The following PRKDC variants were observed in gnomAD, a reference collection of about 807,000 sequenced individuals.
The protein encoded by PRKDC is DNA-dependent protein kinase catalytic subunit.
Under a neutral mutation model 486.9 loss-of-function variants are expected in PRKDC, and 82 were observed. That is an observed-to-expected ratio of 0.17 (90% CI 0.14 to 0.20). PRKDC has a LOEUF of 0.20. PRKDC is among the 10% of genes least tolerant of loss of function. The pLI is 1.00. For synonymous variants in PRKDC, 1,895 were observed against 1,837.0 expected (o/e 1.03, Z -0.81); for missense variants, 4,504 against 5,038.2 (o/e 0.89, Z 3.21).
chr8:47,947,091 C>T (rs1281715065), intron 7 of PRKDC, among the ~76,000 whole-genome samples: 1 of 152,176 alleles, frequency 6.6e-6, no homozygotes, highest in Non-Finnish European at 1.5e-5. Flanking sequence ...ACTCTTGACA[C>T]ACCAGCTCTT....
At chr8:47,802,460 C>A (rs1247383728) in intron 70 of PRKDC, among the ~76,000 whole-genome samples, 1 of 149,178 alleles carries the variant, frequency 6.7e-6, no homozygotes, top group Non-Finnish European at 1.5e-5. Context: ...AAAGACTAAA[C>A]TATTTTGGGA....
At chr8:47,867,688 G>A (rs1024647318) in intron 40 of PRKDC, among the ~76,000 whole-genome samples, 45 of 152,144 alleles carry the variant, frequency 3.0e-4, no homozygotes, top group Admixed American at 5.9e-4. Context: ...AATAAGAAAA[G>A]AAGTTACATT....
rs745664111 is a variant in PRKDC at position 47,807,153 on chromosome 8, T to C, written c.9731A>G (p.Asp3244Gly). Residue 3244 changes from aspartate (D) to glycine (G), a missense_variant, in exon 69 of 86, where the codon GAC becomes GGC. Physicochemically the swap from Asp to Gly is moderately conservative, Grantham distance 94. Around this residue, in one of 6 missense-constraint regions of PRKDC, gnomAD observed 1,592 missense variants for 1,724.6 expected, o/e 0.92. Transcript: ENST00000314191. Reference protein sequence around the residue: ...CKFSMKMKMIDSARKQNNFSL... With the variant: ...CKFSMKMKMIGSARKQNNFSL... ...AGTACCCACCTGCTTCCGGGCACTG[T>C]CTATCATCTTCATTTTCATGGAAAA... 1.9e-6 allele frequency: 3 copies of C among 1,613,878 alleles called. No individual in the cohort carries two copies. Among genetic ancestry groups the C allele is most frequent in the Non-Finnish European group, 2.5e-6 (3 of 1,179,832 alleles).
rs1589750131 is a variant in PRKDC at position 47,862,080 on chromosome 8, A to G, written c.5967T>C (p.Asn1989=). 2.6e-6 allele frequency: 4 copies of G among 1,553,312 alleles called. No homozygotes were observed. The highest frequency in any genetic ancestry group is 3.5e-6 in the Non-Finnish European group (4 of 1,147,024). ...ENLIDLKRRY[N]FPVEVEVPME... ...CACTCACCTCAACTTCTACAGGAAA[A>G]TTATAGCGGCGCTTCAGGTCGATCA... is the stretch of plus-strand genomic sequence containing the variant. The change falls in exon 44 of 86, where the codon AAT becomes AAC. Residue 1989 remains asparagine, a synonymous_variant. Transcript: ENST00000314191.
chr8:47,836,254 C>G, intron 58 of PRKDC, 84 bp downstream of exon 58: 1 of 1,292,750 alleles, frequency 7.7e-7, no homozygotes, highest in Middle Eastern at 2.8e-4. Context: ...ACTTCTCTCA[C>G]AAAAGCCCAA....
At chr8:47,828,059 A>C (rs536505664) in intron 62 of PRKDC, 109 bp downstream of exon 62, 2 of 1,079,350 alleles carry the variant, frequency 1.9e-6, no homozygotes, top group Non-Finnish European at 2.6e-6. Flanking sequence ...TTACTCTGTT[A>C]AACACCAGGT....
At chr8:47,842,216 G>A (rs1198650787) in intron 54 of PRKDC, among the ~76,000 whole-genome samples, 1 of 152,128 alleles carries the variant, frequency 6.6e-6, no homozygotes, top group Non-Finnish European at 1.5e-5. Flanking sequence ...ATTGGAAGGG[G>A]CTCCTCTAAG....
rs1416939898 is a variant in PRKDC, at chr8:47,930,800, T to C, written c.1777-13A>G. Reference sequence around the variant, plus strand: ...CCTCATCTCCATTCTTAAAGAGTAATTGTAGCAAAGAAACATTGTACCATT... The same window carrying C: ...CCTCATCTCCATTCTTAAAGAGTAACTGTAGCAAAGAAACATTGTACCATT... On this transcript the variant is annotated splice_polypyrimidine_tract_variant and intron_variant, in intron 16 of 85. Transcript: ENST00000314191. 12 of 1,549,302 alleles carry C rather than the reference T, an allele frequency of 7.7e-6. No individual in the cohort carries two copies. The highest frequency in any genetic ancestry group is 1.7e-4 in the Middle Eastern group (1 of 5,976).
chr8:47,903,433 A>ATCTT lies in PRKDC; in HGVS notation c.3043-639_3043-638insAAGA, dbSNP rs1563795342. 2.9e-3 allele frequency among the ~76,000 whole-genome samples: 441 copies of ATCTT among 152,364 alleles called. 2 individuals carry two copies. Among genetic ancestry groups the ATCTT allele is most frequent in the African/African-American group, 0.01 (432 of 41,592 alleles). ...AACGTACACTCAACAATGAATTAAG[A>ATCTT]GAGTTCTGCCTAACACTTCCAGTTA... On this transcript the variant is annotated intron_variant, in intron 26 of 85. Coordinates refer to ENST00000314191, the MANE Select transcript of PRKDC (RefSeq NM_006904.7).
Position 47,798,261 on chromosome 8 carries a change from C to T in PRKDC, c.10434G>A (p.Glu3478=). 1.2e-6 allele frequency: 2 copies of T among 1,613,414 alleles called. No homozygotes were observed. ...LLQIIERYPE[E]TLSLMTKEIS... Reference sequence around the variant, plus strand: ...CCTCTTTTGTCATGAGGCTCAAAGTCTCCTCTGGATACCGTTCTATAATCT... The same window carrying T: ...CCTCTTTTGTCATGAGGCTCAAAGTTTCCTCTGGATACCGTTCTATAATCT... Residue 3478 remains glutamate, a synonymous_variant, in exon 73 of 86, where the codon GAG becomes GAA. Coordinates refer to ENST00000314191, the MANE Select transcript of PRKDC (RefSeq NM_006904.7).
intron 70 of PRKDC, 142 bp from the exon 71 acceptor site, chr8:47,801,128 A>G: frequency 1.2e-6 from 1 of 816,308 alleles, no homozygotes; most frequent in South Asian, 1.8e-5. Context: ...CTGGAGTGCA[A>G]CGACACGATT....
chr8:47,866,156 C>CAAA (rs766279016), intron 40 of PRKDC, among the ~76,000 whole-genome samples: 167 of 52,076 alleles, frequency 3.2e-3, no homozygotes, highest in African/African-American at 8.0e-3. Context: ...AACTCCGTCG[C>CAAA]AAAAAAAAAA....
intron 56 of PRKDC, 116 bp downstream of exon 56, chr8:47,839,032 G>T: frequency 1.4e-6 from 1 of 735,772 alleles, no homozygotes. Context: ...AATGCAGAAA[G>T]CAGAGAAAAT....
chr8:47,921,535 T>C (rs2090071326), intron 21 of PRKDC, among the ~76,000 whole-genome samples: 1 of 152,150 alleles, frequency 6.6e-6, no homozygotes, highest in African/African-American at 2.4e-5. Flanking sequence ...CTTTTCCTTT[T>C]TGCTTTTATA....
At chr8:47,880,280 T>C (rs2089184826) in intron 38 of PRKDC, among the ~76,000 whole-genome samples, 1 of 152,220 alleles carries the variant, frequency 6.6e-6, no homozygotes, top group South Asian at 2.1e-4. Context: ...AAAAATGTAC[T>C]GTACAAGCTT....
chr8:47,937,230 C>A (rs1484966377), intron 11 of PRKDC, among the ~76,000 whole-genome samples: 1 of 152,088 alleles, frequency 6.6e-6, no homozygotes, highest in Non-Finnish European at 1.5e-5. Flanking sequence ...CACTGCACTC[C>A]AGCCTGGGCA....
At chr8:47,957,147 T>C in intron 3 of PRKDC, 24 bp downstream of exon 3, 1 of 1,439,664 alleles carries the variant, frequency 6.9e-7, no homozygotes, top group Non-Finnish European at 9.7e-7. Flanking sequence ...TATAATGTAA[T>C]AAGGTATGTT....
intron 13 of PRKDC, among the ~76,000 whole-genome samples, chr8:47,935,465 A>G (rs2154503766): frequency 6.6e-6 from 1 of 152,118 alleles, no homozygotes; most frequent in Middle Eastern, 3.4e-3. Flanking sequence ...ATGCCACTGC[A>G]CTCCAGCCTG....
At chr8:47,918,241 T>C in intron 22 of PRKDC, 36 bp downstream of exon 22, 1 of 1,354,558 alleles carries the variant, frequency 7.4e-7, no homozygotes, top group Non-Finnish European at 1.0e-6. Flanking sequence ...GATCTCTGCA[T>C]TATGTAAGGT....
Sources: allele counts gnomAD v4.1 joint callset (sites outside exome capture counted in the v4.1 genomes callset), GRCh38; gene constraint gnomAD v4.1.1; regional missense constraint gnomAD v4.1.1; transcripts MANE v1.5; gene names NCBI Gene and HGNC (gene_info 2026-07-23, HGNC 2026-07-21).